The following AMOT variants were observed in gnomAD, a reference collection of about 807,000 sequenced individuals.
AMOT encodes the protein angiomotin.
A neutral mutation model predicts 67.0 loss-of-function variants in AMOT; 11 were observed. The observed-to-expected ratio is 0.16, with a 90% confidence interval of 0.10 to 0.27. AMOT has a LOEUF of 0.27. AMOT is among the 10% of genes least tolerant of loss of function. AMOT has a pLI of 1.00. For missense variants in AMOT, 753 were observed against 852.0 expected (o/e 0.88, Z 1.45); for synonymous variants, 326 against 321.4 (o/e 1.01, Z -0.15).
intron 1 of AMOT, among the ~76,000 whole-genome samples, chrX:112,836,815 A>G (rs1935141072): frequency 9.3e-6 from 1 of 107,501 alleles, no homozygotes; most frequent in Non-Finnish European, 1.9e-5. Flanking sequence ...CATACTAGAT[A>G]TTGAGGCCTA....
intron 1 of AMOT, among the ~76,000 whole-genome samples, chrX:112,837,054 T>G (rs148308408): frequency 3.9e-4 from 43 of 111,516 alleles, no homozygotes; most frequent in Admixed American, 8.6e-4. Context: ...TCTGGATCCC[T>G]GGGTTAGTCA....
At chrX:112,806,632 A>G (rs1322990515) in intron 7 of AMOT, among the ~76,000 whole-genome samples, 6 of 110,915 alleles carry the variant, frequency 5.4e-5, no homozygotes. Flanking sequence ...CCAAAACTAT[A>G]ATTTTTAGGA....
In AMOT at chrX:112,840,473, G is replaced by C. The variant is rs905151596; in HGVS notation, c.-310C>G. The stretch of plus-strand genomic sequence containing the variant: ...CTACCCCTGAAGGCAAAGAAGACAA[G>C]GTGACGACTCTCTGCTCGCTCAAGT... On this transcript the variant is annotated 5_prime_UTR_variant, in exon 1 of 14. Coordinates refer to ENST00000371959, the MANE Select transcript of AMOT (RefSeq NM_001113490.2). The C allele has an allele frequency of 3.5e-5, 4 of 112,902 alleles. No homozygotes were observed. Among genetic ancestry groups the C allele is most frequent in the African/African-American group, 1.3e-4 (4 of 31,133 alleles). 9.3% of individuals were successfully genotyped at this position (112,902 alleles called of 1,213,427 possible).
chrX:112,805,408 CACACACACAG>C (rs1472246763), intron 7 of AMOT, among the ~76,000 whole-genome samples: 2 of 105,162 alleles, frequency 1.9e-5, no homozygotes, highest in East Asian at 3.0e-4. Flanking sequence ...CACACACACA[CACACACACAG>C]AGCCCTCAGA....
intron 1 of AMOT, among the ~76,000 whole-genome samples, chrX:112,838,120 A>C (rs765600106): frequency 1.4e-4 from 16 of 111,525 alleles, no homozygotes; most frequent in African/African-American, 5.2e-4. Flanking sequence ...CCAAGAGGGA[A>C]TATATCCTCT....
At chrX:112,826,870 A>G (rs752046340) in intron 2 of AMOT, among the ~76,000 whole-genome samples, 8 of 111,258 alleles carry the variant, frequency 7.2e-5, no homozygotes, top group Non-Finnish European at 1.3e-4. Context: ...TTATTTATCT[A>G]TTTTTGAGAT....
In AMOT at chrX:112,838,895, T is replaced by C. The variant is rs757642546; in HGVS notation, c.-289+1557A>G. On this transcript the variant is annotated intron_variant, in intron 1 of 13. Transcript: ENST00000371959. The stretch of plus-strand genomic sequence containing the variant: ...GAAAGTGTCTGTCAATGACGCCGGA[T>C]AAACCCATACAGAATAGTTGGAACC... Among the ~76,000 whole-genome samples the C allele has an allele frequency of 2.7e-5, 3 of 112,371 alleles. No individual in the cohort carries two copies. In the South Asian group the frequency reaches 1.1e-3, roughly 42 times the overall value.
intron 8 of AMOT, among the ~76,000 whole-genome samples, chrX:112,793,004 T>A (rs1360145294): frequency 1.1e-5 from 1 of 95,038 alleles, no homozygotes; most frequent in Non-Finnish European, 2.1e-5. Context: ...AAGATATATA[T>A]CTTCTTCTTT....
intron 9 of AMOT, 140 bp downstream of exon 9, chrX:112,791,692 G>T: frequency 1.3e-6 from 1 of 789,474 alleles, no homozygotes; most frequent in South Asian, 2.6e-5. Flanking sequence ...TCTGGAGTAA[G>T]ATTAGGTGGG....
intron 12 of AMOT, 156 bp downstream of exon 12, chrX:112,780,730 G>A (rs1234150376): frequency 4.0e-6 from 2 of 498,253 alleles, no homozygotes; most frequent in South Asian, 3.4e-5. Context: ...TCCAGAATGT[G>A]GAACTAGGGT....
intron 2 of AMOT, among the ~76,000 whole-genome samples, chrX:112,827,265 A>G (rs963690721): frequency 1.8e-5 from 2 of 112,802 alleles, no homozygotes; most frequent in East Asian, 5.6e-4. Context: ...TTAAAAAAGA[A>G]ATCAGCCTAA....
intron 1 of AMOT, among the ~76,000 whole-genome samples, chrX:112,840,025 G>T (rs867170196): frequency 1.8e-5 from 2 of 111,114 alleles, no homozygotes; most frequent in Non-Finnish European, 3.8e-5. Context: ...CCGCCTCAGG[G>T]AGTGTGAGTC....
chrX:112,825,034 T>TGC (rs1934810200), intron 3 of AMOT, 38 bp downstream of exon 3: 1 of 91,800 alleles, frequency 1.1e-5, no homozygotes, highest in Non-Finnish European at 2.1e-5. Flanking sequence ...CACGAGCGTG[T>TGC]GCACACACAC....
At position 112,779,248 on chromosome X, in the gene AMOT, A is replaced by ACAGCAGCAG. The variant is rs749110842; in HGVS notation, c.2897_2905dup (p.Ala966_Ala968dup). On this transcript the variant is annotated inframe_insertion, in exon 13 of 14. Transcript: ENST00000371959. The stretch of plus-strand genomic sequence containing the variant: ...AGCCGGAGCAGCTGGAGCAACCTGA[A>ACAGCAGCAG]CAGCAGCAGCAGCAGCAGCAGAAGG... 3.1e-6 allele frequency: 2 copies of ACAGCAGCAG among 650,180 alleles called. No individual in the cohort carries two copies. The highest frequency in any genetic ancestry group is 2.6e-6 in the Non-Finnish European group (1 of 390,835). 53.6% of individuals were successfully genotyped at this position (650,180 alleles called of 1,213,427 possible).
In AMOT at chrX:112,838,917, A is replaced by C. The variant is rs1396107422; in HGVS notation, c.-289+1535T>G. 3.6e-5 allele frequency among the ~76,000 whole-genome samples: 4 copies of C among 112,472 alleles called. No individual in the cohort carries two copies. In the East Asian group the frequency reaches 1.1e-3, roughly 31 times the overall value. On this transcript the variant is annotated intron_variant, in intron 1 of 13. Coordinates refer to ENST00000371959, the MANE Select transcript of AMOT (RefSeq NM_001113490.2). ...GGATAAACCCATACAGAATAGTTGGAACCTTAGTTATCATCTGTAAATAGA... is the reference window on the plus strand; with the variant it reads ...GGATAAACCCATACAGAATAGTTGGCACCTTAGTTATCATCTGTAAATAGA...
rs1933225703 is a variant in AMOT at position 112,782,580 on chromosome X, T to C, written c.2200A>G (p.Ile734Val). Residue 734 changes from isoleucine to valine, a missense_variant, in exon 11 of 14, where the codon ATC becomes GTC. By Grantham distance (29) the Ile-to-Val change is conservative. Coordinates refer to ENST00000371959, the MANE Select transcript of AMOT (RefSeq NM_001113490.2). The stretch of plus-strand genomic sequence containing the variant: ...AGGCAACGCTTATTGGCCATCAAGA[T>C]TTCTTCCTCCTCTTTCTGGATGCGA... ...EARIQKEEEEILMANKRCLDM... is the reference protein window; with the variant it reads ...EARIQKEEEEVLMANKRCLDM... 4 of 1,211,779 alleles carry C rather than the reference T, an allele frequency of 3.3e-6. No homozygotes were observed. Among genetic ancestry groups the C allele is most frequent in the Non-Finnish European group, 3.4e-6 (3 of 895,435 alleles).
Position 112,822,872 on chromosome X carries a change from G to T in AMOT, c.255C>A (p.Ile85=), listed in dbSNP as rs553927447. 1 of 1,167,797 alleles carries T rather than the reference G, an allele frequency of 8.6e-7. No homozygotes were observed. Among genetic ancestry groups the T allele is most frequent in the South Asian group, 1.9e-5 (1 of 52,671 alleles). ...AARQEPQGQE[I]QSENLIMEKQ... The stretch of plus-strand genomic sequence containing the variant: ...TCTCCATGATGAGGTTTTCTGACTG[G>T]ATTTCCTGCCCCTGGGGTTCTTGTC... The change falls in exon 4 of 14, where the codon ATC becomes ATA. Residue 85 remains isoleucine, a synonymous_variant. Transcript: ENST00000371959.
chrX:112,829,937 C>T (rs620730), intron 2 of AMOT, among the ~76,000 whole-genome samples: 28,783 of 110,563 alleles, frequency 0.26, 5,030 homozygotes, highest in African/African-American at 0.63. Flanking sequence ...TTTATTATCT[C>T]GAGAAAAGTA....
At chrX:112,795,757 C>T (rs1036687267) in intron 8 of AMOT, among the ~76,000 whole-genome samples, 2 of 110,896 alleles carry the variant, frequency 1.8e-5, no homozygotes, top group African/African-American at 6.6e-5. Flanking sequence ...ATGTGTTTTA[C>T]GTATTAGGGT....
Sources: allele counts gnomAD v4.1 joint callset (sites outside exome capture counted in the v4.1 genomes callset), GRCh38; gene constraint gnomAD v4.1.1; transcripts MANE v1.5; gene names NCBI Gene and HGNC (gene_info 2026-07-23, HGNC 2026-07-21).